The following TAF3 variants were observed in gnomAD, a reference collection of about 807,000 sequenced individuals.
TAF3 encodes the protein TATA-box binding protein associated factor 3.
A neutral mutation model predicts 80.6 loss-of-function variants in TAF3; 7 were observed. The observed-to-expected ratio is 0.09, with a 90% CI of 0.05 to 0.16. The LOEUF (loss-of-function observed/expected upper bound fraction) is 0.16, where lower values mean the gene tolerates loss of function less well. Among genes scored for constraint, TAF3 ranks in the 10% least tolerant of loss-of-function variants. The pLI is 1.00. For missense variants in TAF3, 921 were observed against 1,140.2 expected, an observed-to-expected ratio of 0.81 and a Z score of 2.77; for synonymous variants, 444 against 446.1, an observed-to-expected ratio of 1.00 and a Z score of 0.06.
intron 2 of TAF3, among the ~76,000 whole-genome samples, chr10:7,868,115 A>C (rs1837232594): frequency 1.3e-5 from 2 of 152,114 alleles, no homozygotes; most frequent in Admixed American, 1.3e-4. Context: ...GAGGTGGGAG[A>C]AAATCCACAT....
At chr10:7,925,600 T>C (rs916455627) in intron 2 of TAF3, among the ~76,000 whole-genome samples, 1 of 150,920 alleles carries the variant, frequency 6.6e-6, no homozygotes, top group Admixed American at 6.6e-5. Flanking sequence ...GGTCAGGAGC[T>C]CGAGACCAGC....
chr10:7,981,059 C>G (rs1417942788), intron 4 of TAF3, among the ~76,000 whole-genome samples: 3 of 152,148 alleles, frequency 2.0e-5, no homozygotes, highest in Non-Finnish European at 2.9e-5. Context: ...GCCTGCAACT[C>G]TTCTATAAAG....
rs183438150 is a variant in TAF3, at chr10:7,863,685, A to G, written c.409+39125A>G. The stretch of plus-strand genomic sequence containing the variant: ...TATATATACACACATATATATATAT[A>G]CACACACATATATATATATACACAT... On this transcript the variant is annotated intron_variant, in intron 2 of 6. Transcript: ENST00000344293. 3.7e-3 allele frequency among the ~76,000 whole-genome samples: 349 copies of G among 94,052 alleles called. 83 individuals are homozygous for G. The highest frequency in any genetic ancestry group is 0.013 in the African/African-American group (319 of 25,196). The allele number at this position is 94,052 out of a possible 152,430, so 61.7% of individuals were successfully genotyped here. A position where few individuals can be genotyped will look rare whatever the true frequency, so the allele number is the denominator to read the frequency against.
intron 2 of TAF3, among the ~76,000 whole-genome samples, chr10:7,883,921 A>C (rs1837384372): frequency 6.6e-6 from 1 of 152,202 alleles, no homozygotes; most frequent in African/African-American, 2.4e-5. Context: ...GGGGACTCTC[A>C]GAGTCACCAG....
chr10:7,881,302 T>C (rs1417718079), intron 2 of TAF3, among the ~76,000 whole-genome samples: 1 of 151,876 alleles, frequency 6.6e-6, no homozygotes, highest in Non-Finnish European at 1.5e-5. Flanking sequence ...CCACCATGTG[T>C]CGCAATACTT....
intron 2 of TAF3, among the ~76,000 whole-genome samples, chr10:7,952,628 A>C (rs1838092426): frequency 6.6e-6 from 1 of 152,162 alleles, no homozygotes. Flanking sequence ...ATAGCATTTT[A>C]GTTTTTTATT....
intron 4 of TAF3, among the ~76,000 whole-genome samples, chr10:7,986,299 T>G (rs559647028): frequency 6.6e-6 from 1 of 152,226 alleles, no homozygotes; most frequent in Non-Finnish European, 1.5e-5. Context: ...GCCAAGTTAC[T>G]GGAAAGTTCT....
In TAF3 at chr10:8,014,748, C is replaced by T; in HGVS notation, c.2787C>T (p.His929=). 1 of 1,588,806 alleles carries T rather than the reference C, an allele frequency of 6.3e-7. No homozygotes were observed. Among genetic ancestry groups the T allele is most frequent in the Non-Finnish European group, 8.6e-7 (1 of 1,167,432 alleles). The part of the protein sequence containing the change: ...KKHKKRKHRA[H] The stretch of plus-strand genomic sequence containing the variant: ...ACAAGAAGAGGAAGCATCGAGCCCA[C>T]TGACGACTCCCGAGGGGCTGGACCA... Residue 929 remains histidine (H), a synonymous_variant, in exon 7 of 7, where the codon CAC becomes CAT. Coordinates refer to ENST00000344293, the MANE Select transcript of TAF3 (RefSeq NM_031923.4).
chr10:7,899,571 C>G (rs1022294292), intron 2 of TAF3, among the ~76,000 whole-genome samples: 6 of 152,188 alleles, frequency 3.9e-5, no homozygotes, highest in Admixed American at 1.3e-4. Flanking sequence ...CCATGTGCAG[C>G]TTTGTGCTTG....
chr10:7,979,717 T>A (rs1831707678), intron 4 of TAF3, among the ~76,000 whole-genome samples: 1 of 152,024 alleles, frequency 6.6e-6, no homozygotes, highest in Non-Finnish European at 1.5e-5. Flanking sequence ...TAGATTACAT[T>A]TTAAATTAAA....
At chr10:7,988,700 G>C (rs1831803320) in intron 4 of TAF3, among the ~76,000 whole-genome samples, 1 of 138,320 alleles carries the variant, frequency 7.2e-6, no homozygotes, top group Admixed American at 7.6e-5. Context: ...ACAGTGAGCT[G>C]TGATCACCAC....
intron 2 of TAF3, among the ~76,000 whole-genome samples, chr10:7,961,374 G>A (rs991076084): frequency 3.9e-5 from 6 of 152,132 alleles, no homozygotes; most frequent in Admixed American, 3.3e-4. Flanking sequence ...CATCTCACGC[G>A]TTCTCCATCT....
intron 2 of TAF3, among the ~76,000 whole-genome samples, chr10:7,914,130 A>G (rs1347023533): frequency 6.6e-6 from 1 of 152,164 alleles, no homozygotes; most frequent in African/African-American, 2.4e-5. Flanking sequence ...TTGTATATAG[A>G]CTGGGTACTA....
intron 2 of TAF3, among the ~76,000 whole-genome samples, chr10:7,848,446 G>A (rs1836994363): frequency 6.6e-6 from 1 of 152,180 alleles, no homozygotes. Flanking sequence ...AAAGGAGAGT[G>A]AGATGTAGGT....
At chr10:7,960,470 C>G (rs1838179390) in intron 2 of TAF3, among the ~76,000 whole-genome samples, 1 of 152,148 alleles carries the variant, frequency 6.6e-6, no homozygotes, top group South Asian at 2.1e-4. Context: ...GTGGTTATTT[C>G]TAGTTGCTAA....
rs768374250 is a variant in TAF3, at chr10:8,009,895, C to CA, written c.2568+566dup. ...CTCGGCCTCCCAAAGTGTGGGATTA[C>CA]AGGCATGAGCCACCGTGCCCGGCTT... On this transcript the variant is annotated intron_variant, in intron 5 of 6. Coordinates refer to ENST00000344293, the MANE Select transcript of TAF3 (RefSeq NM_031923.4). This position sits in a 1 kb window ranked among gnomAD's most constrained non-coding sequence, Gnocchi z 4.1. 5.0e-4 allele frequency among the ~76,000 whole-genome samples: 76 copies of CA among 152,014 alleles called. No individual in the cohort carries two copies. The highest frequency in any genetic ancestry group is 3.4e-3 in the Middle Eastern group (1 of 292).
chr10:7,933,430 G>C (rs966044559), intron 2 of TAF3, among the ~76,000 whole-genome samples: 1 of 152,214 alleles, frequency 6.6e-6, no homozygotes, highest in African/African-American at 2.4e-5. Flanking sequence ...GACGAGCTCT[G>C]ATGCAACCAT....
At position 8,014,993 on chromosome 10, in the gene TAF3, GC is replaced by G. The variant is rs1004676875; in HGVS notation, c.*246del. ...CAAGCAGAGGCGTGGCCTGGGGGCTGCCCCTCCTCCACTTCTCTAATACCAG... is the reference window on the plus strand; with the variant it reads ...CAAGCAGAGGCGTGGCCTGGGGGCTGCCCTCCTCCACTTCTCTAATACCAG... On this transcript the variant is annotated 3_prime_UTR_variant, in exon 7 of 7. Coordinates refer to ENST00000344293, the MANE Select transcript of TAF3 (RefSeq NM_031923.4). The G allele has an allele frequency of 2.9e-5, 11 of 373,812 alleles. No individual in the cohort carries two copies. The East Asian group carries it at 2.9e-4, about 10-fold the overall frequency. 23.2% of individuals were successfully genotyped at this position (373,812 alleles called of 1,614,324 possible).
chr10:7,855,009 G>T (rs2131129300), intron 2 of TAF3, among the ~76,000 whole-genome samples: 1 of 152,316 alleles, frequency 6.6e-6, no homozygotes. Flanking sequence ...GGGTTTTAAG[G>T]TGTTGTTGTA....
Sources: gnomAD v4.1 joint callset for allele counts (sites outside exome capture counted in the v4.1 genomes callset) on GRCh38, gnomAD v4.1.1 for gene constraint, Gnocchi (gnomAD v3.1) non-coding constraint, MANE v1.5 for transcripts, NCBI Gene and HGNC (gene_info 2026-07-23, HGNC 2026-07-21) for gene names.